SRGAP1: variants seen among roughly 807,000 people sequenced by gnomAD.
SRGAP1 encodes SLIT-ROBO Rho GTPase activating protein 1.
In SRGAP1, 43 loss-of-function variants were observed where a neutral mutation model predicts 121.9. The observed-to-expected ratio is 0.35, with a 90% CI of 0.28 to 0.46. The LOEUF is 0.46. Among genes scored for constraint, SRGAP1 ranks in the 20% least tolerant of loss-of-function variants. The pLI is 1.00. For missense variants in SRGAP1, 1,102 were observed against 1,350.9 expected, an observed-to-expected ratio of 0.82 and a Z score of 2.89; for synonymous variants, 447 against 485.4, an observed-to-expected ratio of 0.92 and a Z score of 1.04.
At chr12:64,032,966 G>A (rs1269182657) in intron 4 of SRGAP1, among the ~76,000 whole-genome samples, 2 of 151,844 alleles carry the variant, frequency 1.3e-5, no homozygotes, top group South Asian at 2.1e-4. Flanking sequence ...CCCCATAAAT[G>A]TGTACAATTT....
intron 1 of SRGAP1, among the ~76,000 whole-genome samples, chr12:63,872,955 G>A (rs1441167497): frequency 6.6e-6 from 1 of 152,126 alleles, no homozygotes; most frequent in East Asian, 1.9e-4. Flanking sequence ...TGATGGATGA[G>A]GAGTTCTCTA....
chr12:63,845,668 T>C (rs1389542179), intron 1 of SRGAP1, among the ~76,000 whole-genome samples: 1 of 152,232 alleles, frequency 6.6e-6, no homozygotes, highest in African/African-American at 2.4e-5. Flanking sequence ...ATTAAAAATA[T>C]ATATATTTTC....
intron 3 of SRGAP1, among the ~76,000 whole-genome samples, chr12:63,991,990 G>A (rs545893446): frequency 6.6e-6 from 1 of 152,198 alleles, no homozygotes; most frequent in Non-Finnish European, 1.5e-5. Flanking sequence ...TGAGGAAATT[G>A]TTCTCAGAAA....
At chr12:64,014,019 T>C (rs908937333) in intron 3 of SRGAP1, among the ~76,000 whole-genome samples, 1 of 152,196 alleles carries the variant, frequency 6.6e-6, no homozygotes, top group African/African-American at 2.4e-5. Context: ...TAACGAATAG[T>C]GTCTGGAAAA....
intron 3 of SRGAP1, among the ~76,000 whole-genome samples, chr12:64,009,084 T>G (rs967408823): frequency 6.6e-6 from 1 of 152,142 alleles, no homozygotes; most frequent in African/African-American, 2.4e-5. Context: ...GTTCATGCAC[T>G]AAAGAAGACA....
intron 18 of SRGAP1, among the ~76,000 whole-genome samples, chr12:64,119,696 T>C (rs2136627632): frequency 6.6e-6 from 1 of 151,776 alleles, no homozygotes; most frequent in East Asian, 1.9e-4. Flanking sequence ...AAATTCTTTT[T>C]TTTATTTCTT....
At chr12:63,909,342 G>C (rs547867707) in intron 1 of SRGAP1, among the ~76,000 whole-genome samples, 32 of 152,324 alleles carry the variant, frequency 2.1e-4, no homozygotes, top group African/African-American at 7.5e-4. Context: ...AGATATGACT[G>C]TTTCCACCTA....
chr12:64,134,095 A>G (rs912399475), intron 21 of SRGAP1, among the ~76,000 whole-genome samples: 1 of 152,122 alleles, frequency 6.6e-6, no homozygotes, highest in African/African-American at 2.4e-5. Flanking sequence ...TAGATCTGAC[A>G]TACAGAGAAC....
chr12:63,900,211 T>TTCTTTTTC (rs1361690971), intron 1 of SRGAP1, among the ~76,000 whole-genome samples: 2 of 128,044 alleles, frequency 1.6e-5, no homozygotes, highest in Non-Finnish European at 3.4e-5. Flanking sequence ...TTTCTTTTTT[T>TTCTTTTTC]TTTTTTTTTT....
At chr12:63,862,302 C>T (rs1899481733) in intron 1 of SRGAP1, among the ~76,000 whole-genome samples, 1 of 152,112 alleles carries the variant, frequency 6.6e-6, no homozygotes, top group South Asian at 2.1e-4. Context: ...AGACCTATGA[C>T]ACTAGGCCCT....
intron 1 of SRGAP1, among the ~76,000 whole-genome samples, chr12:63,948,971 C>CAT (rs58189673): frequency 3.3e-5 from 2 of 60,786 alleles, no homozygotes; most frequent in Admixed American, 1.9e-4. Flanking sequence ...ATATATTTTC[C>CAT]ATATATATAT....
At chr12:64,101,805 G>A (rs894351776) in intron 15 of SRGAP1, among the ~76,000 whole-genome samples, 9 of 152,034 alleles carry the variant, frequency 5.9e-5, no homozygotes, top group African/African-American at 2.2e-4. Context: ...ACTGCCTTAA[G>A]GCTGTGAGCC....
At chr12:64,131,394 TC>T (rs1290146003) in intron 21 of SRGAP1, among the ~76,000 whole-genome samples, 2 of 152,218 alleles carry the variant, frequency 1.3e-5, no homozygotes, top group Non-Finnish European at 2.9e-5. Context: ...TAATCACACA[TC>T]TGGCCATTCC....
chr12:64,136,216 A>C (rs1180175598), intron 21 of SRGAP1, among the ~76,000 whole-genome samples: 1 of 152,302 alleles, frequency 6.6e-6, no homozygotes, highest in Middle Eastern at 3.4e-3. Context: ...AGTATTAACC[A>C]TCACACTAAG....
intron 1 of SRGAP1, among the ~76,000 whole-genome samples, chr12:63,951,532 A>G (rs919684695): frequency 1.3e-5 from 2 of 152,224 alleles, no homozygotes; most frequent in South Asian, 4.1e-4. Context: ...TCCAGCAGCC[A>G]CAGCAGCAAA....
At chr12:64,118,749 AGTCT>A (rs1421957536) in intron 18 of SRGAP1, among the ~76,000 whole-genome samples, 3 of 149,546 alleles carry the variant, frequency 2.0e-5, no homozygotes, top group African/African-American at 7.4e-5. Flanking sequence ...TTAGAGATGG[AGTCT>A]GTCTGTCCTC....
chr12:64,002,771 A>C (rs1327193436), intron 3 of SRGAP1, among the ~76,000 whole-genome samples: 1 of 152,162 alleles, frequency 6.6e-6, no homozygotes, highest in Admixed American at 6.5e-5. Context: ...CAGAATTTGT[A>C]TTCCGAATCC....
intron 17 of SRGAP1, among the ~76,000 whole-genome samples, chr12:64,113,629 A>C (rs1262368130): frequency 3.9e-5 from 6 of 152,220 alleles, no homozygotes; most frequent in African/African-American, 7.2e-5. Context: ...TAAAATATGT[A>C]CAACTATTAT....
chr12:63,978,778 C>T (rs1243296992), intron 1 of SRGAP1, among the ~76,000 whole-genome samples: 1 of 152,150 alleles, frequency 6.6e-6, no homozygotes, highest in Admixed American at 6.6e-5. Flanking sequence ...GAAGAACTGC[C>T]AGACTGTTTT....
Sources: allele counts gnomAD v4.1 joint callset (sites outside exome capture counted in the v4.1 genomes callset), GRCh38; gene constraint gnomAD v4.1.1; transcripts MANE v1.5; gene names NCBI Gene and HGNC (gene_info 2026-07-23, HGNC 2026-07-21).